JAK3: variants seen among roughly 807,000 people sequenced by gnomAD.
The protein encoded by JAK3 is Janus kinase 3, also known as tyrosine-protein kinase JAK3.
In JAK3, 88 loss-of-function variants were observed where a neutral mutation model predicts 120.8. The ratio of observed to expected loss-of-function variants is 0.73; its 90% confidence interval spans 0.61 to 0.87. The LOEUF is 0.87. JAK3 is among the 40% of genes least tolerant of loss of function. JAK3 has a pLI of 0.00. For synonymous variants in JAK3, 592 were observed against 628.6 expected (o/e 0.94, Z 0.87); for missense variants, 1,254 against 1,501.4 (o/e 0.84, Z 2.72).
intron 23 of JAK3, among the ~76,000 whole-genome samples, chr19:17,828,011 G>T (rs1342821574): frequency 2.0e-5 from 3 of 151,454 alleles, no homozygotes; most frequent in Admixed American, 6.6e-5. Flanking sequence ...TGCCTCCATC[G>T]CACTGGTGCT....
intron 14 of JAK3, 34 bp from the exon 15 acceptor site, chr19:17,835,249 G>A: frequency 4.4e-6 from 7 of 1,608,876 alleles, no homozygotes; most frequent in Non-Finnish European, 5.9e-6. Flanking sequence ...ATGCCCGGGA[G>A]GGTTTGATGA....
At chr19:17,836,840 GA>G (rs990641473) in intron 13 of JAK3, 6 of 513,446 alleles carry the variant, frequency 1.2e-5, no homozygotes, top group Non-Finnish European at 2.2e-5. Context: ...CCCAACCAAT[GA>G]AACCAAGGCT....
Position 17,826,940 on chromosome 19 carries a change from G to C in JAK3, c.3208-30C>G, listed in dbSNP as rs200847861. Reference sequence around the variant, plus strand: ...GGGGCGGGGGACAGATAATGGGGTCGTGCCTGAGCAGTCCAAAGGACACAA... The same window carrying C: ...GGGGCGGGGGACAGATAATGGGGTCCTGCCTGAGCAGTCCAAAGGACACAA... On this transcript the variant is annotated intron_variant, in intron 23 of 23. Coordinates refer to ENST00000458235, the MANE Select transcript of JAK3 (RefSeq NM_000215.4). 6.9e-6 allele frequency: 11 copies of C among 1,598,230 alleles called. No homozygotes were observed. The Admixed American group carries it at 1.8e-4, about 27-fold the overall frequency.
chr19:17,832,426 C>T lies in JAK3; in HGVS notation c.2680+93G>A. 2 of 1,249,356 alleles carry T rather than the reference C, an allele frequency of 1.6e-6. No individual in the cohort carries two copies. Among genetic ancestry groups the T allele is most frequent in the Non-Finnish European group, 1.2e-6 (1 of 850,566 alleles). 77.4% of individuals were successfully genotyped at this position (1,249,356 alleles called of 1,614,324 possible). On this transcript the variant is annotated intron_variant, in intron 19 of 23. Coordinates refer to ENST00000458235, the MANE Select transcript of JAK3 (RefSeq NM_000215.4). This position sits in a 1 kb window ranked among gnomAD's most constrained non-coding sequence, Gnocchi z 4.7. Reference sequence around the variant, plus strand: ...GAATCTGGATCAATAATCACGTTCCCAGCCTACCTAAAGTGGCCTGGCAGG... The same window carrying T: ...GAATCTGGATCAATAATCACGTTCCTAGCCTACCTAAAGTGGCCTGGCAGG...
Position 17,831,558 on chromosome 19 carries a change from C to A in JAK3, c.2805+116G>T. ...ATCCTGAGCCCTAAGCCAACCCCAC[C>A]ACTCCCGAGACCTGGACCCCAAACC... On this transcript the variant is annotated intron_variant, in intron 20 of 23. Coordinates refer to ENST00000458235, the MANE Select transcript of JAK3 (RefSeq NM_000215.4). This position sits in a 1 kb window ranked among gnomAD's most constrained non-coding sequence, Gnocchi z 5.1. 6.7e-7 allele frequency: 1 copy of A among 1,501,120 alleles called. No individual in the cohort carries two copies. The highest frequency in any genetic ancestry group is 1.2e-5 in the South Asian group (1 of 83,652). The allele number at this position is 1,501,120 out of a possible 1,614,324, so 93.0% of individuals were successfully genotyped here.
In JAK3 at chr19:17,841,772, A is replaced by C; in HGVS notation, c.862-10T>G. ...AGAAGGGCTGGAGGACCTGGGAAGG[A>C]GGGGGAGTACCGAAGTGGGGGCCCA... On this transcript the variant is annotated splice_polypyrimidine_tract_variant and intron_variant, in intron 6 of 23. Transcript: ENST00000458235. The surrounding 1 kb of genome is among the most constrained non-coding windows in gnomAD (Gnocchi z 4.1). 6.2e-7 allele frequency: 1 copy of C among 1,601,324 alleles called. No individual in the cohort carries two copies.
chr19:17,845,824 G>A (rs1452149307), intron 1 of JAK3, among the ~76,000 whole-genome samples: 3 of 151,848 alleles, frequency 2.0e-5, no homozygotes. Flanking sequence ...ATTAATGAGG[G>A]TTTTTTTGTT....
chr19:17,836,388 T>G (rs1174864467), intron 13 of JAK3, among the ~76,000 whole-genome samples: 1 of 152,100 alleles, frequency 6.6e-6, no homozygotes, highest in African/African-American at 2.4e-5. Flanking sequence ...GTTCAAGTGA[T>G]TCTCCTGTCT....
In JAK3 at chr19:17,838,134, T is replaced by C. The variant is rs3212751; in HGVS notation, c.1570-71A>G. ...GCAGGATCCCAGCCCAAGCGAGACATAGCTGCTGGCCCCATTTTACAGATG... is the reference window on the plus strand; with the variant it reads ...GCAGGATCCCAGCCCAAGCGAGACACAGCTGCTGGCCCCATTTTACAGATG... On this transcript the variant is annotated intron_variant, in intron 11 of 23. Coordinates refer to ENST00000458235, the MANE Select transcript of JAK3 (RefSeq NM_000215.4). The C allele has an allele frequency of 5.5e-4, 890 of 1,612,930 alleles. 3 individuals carry two copies. The African/African-American group carries it at 9.2e-3, about 17-fold the overall frequency.
chr19:17,846,110 G>A (rs566975311), intron 1 of JAK3, among the ~76,000 whole-genome samples: 55 of 152,168 alleles, frequency 3.6e-4, no homozygotes, highest in African/African-American at 8.7e-4. Flanking sequence ...GAGAAACTGC[G>A]CCTGGCCTAA....
Position 17,826,665 on chromosome 19 carries a change from C to T in JAK3, c.*78G>A. The T allele has an allele frequency of 6.5e-7, 1 of 1,533,460 alleles. No homozygotes were observed. The highest frequency in any genetic ancestry group is 9.0e-7 in the Non-Finnish European group (1 of 1,107,062). The allele number at this position is 1,533,460 out of a possible 1,614,324, so 95.0% of individuals were successfully genotyped here. On this transcript the variant is annotated 3_prime_UTR_variant, in exon 24 of 24. Transcript: ENST00000458235. Reference sequence around the variant, plus strand: ...GAGGACCCTCATAAGGCCTCTGAGGCCCAGAGAGGGGCAGCTCCGGGCCTA... The same window carrying T: ...GAGGACCCTCATAAGGCCTCTGAGGTCCAGAGAGGGGCAGCTCCGGGCCTA...
chr19:17,847,040 G>A (rs2094253789), intron 1 of JAK3, among the ~76,000 whole-genome samples: 1 of 152,094 alleles, frequency 6.6e-6, no homozygotes, highest in Non-Finnish European at 1.5e-5. Flanking sequence ...TGGAATTACA[G>A]GCACCCGCCA....
At chr19:17,836,954 G>A (rs1331221386) in intron 13 of JAK3, 175 bp downstream of exon 13, 15 of 693,760 alleles carry the variant, frequency 2.2e-5, no homozygotes, top group Middle Eastern at 3.7e-4. Flanking sequence ...ACCTGGAGCC[G>A]CTTTCCAAGG....
At chr19:17,828,998 AT>A (rs925196609) in intron 23 of JAK3, among the ~76,000 whole-genome samples, 1 of 151,488 alleles carries the variant, frequency 6.6e-6, no homozygotes, top group Non-Finnish European at 1.5e-5. Flanking sequence ...CTTTAAAAAA[AT>A]TTTTTAAAAT....
chr19:17,844,344 G>A lies in JAK3; in HGVS notation c.74C>T (p.Ala25Val). ...SCSLLSTEAG[A>V]LHVLLPARGP... ...CCGAGCGGGCAGCAGCACATGCAGG[G>A]CACCAGCCTCCGTGGACAAGAGGCT... The change falls in exon 2 of 24, where the codon GCC (alanine) becomes GTC (valine). Residue 25 changes from alanine (A) to valine (V), a missense_variant. By Grantham distance (64) the Ala-to-Val change is moderately conservative. Transcript: ENST00000458235. 2 of 1,611,680 alleles carry A rather than the reference G, an allele frequency of 1.2e-6. No homozygotes were observed. The highest frequency in any genetic ancestry group is 1.7e-6 in the Non-Finnish European group (2 of 1,179,552).
chr19:17,847,876 CAG>C, intron 1 of JAK3, 68 bp downstream of exon 1: 2 of 777,710 alleles, frequency 2.6e-6, no homozygotes, highest in Non-Finnish European at 3.2e-6. Context: ...TGCCCCAGCC[CAG>C]CCATCCCCCG....
At chr19:17,836,878 G>A (rs951289938) in intron 13 of JAK3, 3 of 616,538 alleles carry the variant, frequency 4.9e-6, no homozygotes, top group Non-Finnish European at 8.9e-6. Flanking sequence ...CCTGTACAAA[G>A]CTGCAGAGAT....
intron 21 of JAK3, 108 bp from the exon 22 acceptor site, chr19:17,830,728 T>TCAGTCCCGTCTCCCA (rs2094212445): frequency 1.2e-6 from 1 of 838,008 alleles, no homozygotes; most frequent in Non-Finnish European, 2.1e-6. Flanking sequence ...TGTGAGCAGG[T>TCAGTCCCGTCTCCCA]CAGTCCCGTC....
intron 1 of JAK3, among the ~76,000 whole-genome samples, chr19:17,847,535 C>T (rs537898392): frequency 6.6e-6 from 1 of 152,274 alleles, no homozygotes; most frequent in South Asian, 2.1e-4. Flanking sequence ...CCTCCCGCCT[C>T]GGCATCCCCT....
Sources: gnomAD v4.1 joint callset for allele counts (sites outside exome capture counted in the v4.1 genomes callset) on GRCh38, gnomAD v4.1.1 for gene constraint, Gnocchi (gnomAD v3.1) non-coding constraint, MANE v1.5 for transcripts, NCBI Gene and HGNC (gene_info 2026-07-23, HGNC 2026-07-21) for gene names.